The following CTIF variants were observed in gnomAD, a reference collection of about 807,000 sequenced individuals.
CTIF encodes the protein CBP80/20-dependent translation initiation factor.
CTIF carries 21 observed loss-of-function variants against 66.0 expected under a neutral mutation model. That is an observed-to-expected ratio of 0.32 (90% CI 0.23 to 0.46). CTIF has a LOEUF of 0.46. Among genes scored for constraint, CTIF ranks in the 20% least tolerant of loss-of-function variants. The pLI is 1.00. For missense variants in CTIF, 739 were observed against 812.7 expected (o/e 0.91, Z 1.10); for synonymous variants, 345 against 326.4 (o/e 1.06, Z -0.62).
intron 7 of CTIF, among the ~76,000 whole-genome samples, chr18:48,746,908 C>T (rs919455196): frequency 6.6e-6 from 1 of 152,134 alleles, no homozygotes; most frequent in East Asian, 1.9e-4. Context: ...CACTACCTCA[C>T]GTCCTCCAGG....
In CTIF at chr18:48,789,948, A is replaced by T. The variant is rs567000967; in HGVS notation, c.1372-27273A>T. On this transcript the variant is annotated intron_variant, in intron 9 of 11. Coordinates refer to ENST00000256413, the MANE Select transcript of CTIF (RefSeq NM_014772.3). ...TGCTGGCTTTGCCACCTGCTACCTC[A>T]TGACCTTGGGCAGGGTACTTTTCCC... Among the ~76,000 whole-genome samples the T allele has an allele frequency of 5.9e-5, 9 of 152,292 alleles. No homozygotes were observed. In the South Asian group the frequency reaches 1.9e-3, roughly 32 times the overall value.
At chr18:48,626,000 CTTTTTTTTTT>C (rs74174709) in intron 2 of CTIF, among the ~76,000 whole-genome samples, 1 of 109,174 alleles carries the variant, frequency 9.2e-6, no homozygotes. Context: ...CTTTTTCTTT[CTTTTTTTTTT>C]TTTTTTTTTG....
intron 9 of CTIF, among the ~76,000 whole-genome samples, chr18:48,780,708 C>T (rs1911124641): frequency 6.6e-6 from 1 of 152,230 alleles, no homozygotes; most frequent in Admixed American, 6.5e-5. Context: ...AGGCTTCCCT[C>T]CTGCCGGTCC....
chr18:48,795,607 C>T (rs1395965486), intron 9 of CTIF, among the ~76,000 whole-genome samples: 5 of 152,232 alleles, frequency 3.3e-5, no homozygotes, highest in Admixed American at 2.6e-4. Context: ...CAGGCTCTTT[C>T]AGATGGGTAG....
At chr18:48,721,696 G>C (rs545476867) in intron 7 of CTIF, among the ~76,000 whole-genome samples, 8 of 152,178 alleles carry the variant, frequency 5.3e-5, no homozygotes, top group Non-Finnish European at 1.2e-4. Context: ...TGGCAGATAC[G>C]AGGGAAGTCC....
chr18:48,627,771 G>C lies in CTIF; in HGVS notation c.180+8026G>C, dbSNP rs369421835. ...AAGAAAAAGAAAGAAGACAGGGTTGGGGGGGAGGGTGGGGAGGAAGGAAGG... is the reference window on the plus strand; with the variant it reads ...AAGAAAAAGAAAGAAGACAGGGTTGCGGGGGAGGGTGGGGAGGAAGGAAGG... On this transcript the variant is annotated intron_variant, in intron 2 of 11. Transcript: ENST00000256413. Among the ~76,000 whole-genome samples, 658 of 150,094 alleles carry C rather than the reference G, an allele frequency of 4.4e-3. 9 individuals carry two copies. The highest frequency in any genetic ancestry group is 0.015 in the African/African-American group (627 of 40,824).
intron 6 of CTIF, among the ~76,000 whole-genome samples, chr18:48,698,104 T>TTA (rs2092032457): frequency 1.5e-4 from 2 of 13,046 alleles, no homozygotes; most frequent in African/African-American, 3.4e-4. Context: ...TAGCCATCAT[T>TTA]AAAAAAAAAA....
At chr18:48,723,495 C>T (rs191546195) in intron 7 of CTIF, among the ~76,000 whole-genome samples, 169 of 152,272 alleles carry the variant, frequency 1.1e-3, no homozygotes, top group African/African-American at 3.7e-3. Flanking sequence ...ATTTAGGAAG[C>T]CCTCGAAACT....
At chr18:48,698,104 TAAAAAAAAAAA>T (rs527429582) in intron 6 of CTIF, among the ~76,000 whole-genome samples, 16 of 13,066 alleles carry the variant, frequency 1.2e-3, no homozygotes, top group Admixed American at 3.6e-3. Flanking sequence ...TAGCCATCAT[TAAAAAAAAAAA>T]AAAAAAAAAA....
intron 9 of CTIF, among the ~76,000 whole-genome samples, chr18:48,767,448 C>T (rs1196882515): frequency 6.6e-6 from 1 of 152,136 alleles, no homozygotes; most frequent in East Asian, 1.9e-4. Flanking sequence ...TTCAAGCCCT[C>T]CTCTGTTGAA....
At chr18:48,846,497 A>ATGGATGGATG (rs1568265635) in intron 10 of CTIF, among the ~76,000 whole-genome samples, 3 of 136,788 alleles carry the variant, frequency 2.2e-5, no homozygotes, top group African/African-American at 6.4e-5. Context: ...ATGAAAGGAT[A>ATGGATGGATG]GATGGATGGA....
intron 6 of CTIF, among the ~76,000 whole-genome samples, chr18:48,679,791 C>T (rs1233214402): frequency 6.6e-6 from 1 of 152,160 alleles, no homozygotes; most frequent in Non-Finnish European, 1.5e-5. Flanking sequence ...TGAGGTTTTC[C>T]CCTTTTTTAT....
In CTIF at chr18:48,758,220, G is replaced by T. The variant is rs536500179; in HGVS notation, c.886G>T (p.Ala296Ser). Residue 296 changes from alanine to serine, a missense_variant, in exon 8 of 12, where the codon GCC becomes TCC. Physicochemically the swap from Ala to Ser is moderately conservative, Grantham distance 99 (BLOSUM62 1). Transcript: ENST00000256413. ...AGDTGHSSLEAPRSPDTLAPV... is the reference protein window; with the variant it reads ...AGDTGHSSLESPRSPDTLAPV... ...GGACACCGGGCACAGCAGCCTTGAG[G>T]CCCCCCGCAGCCCTGACACCCTGGC... 2 of 1,613,200 alleles carry T rather than the reference G, an allele frequency of 1.2e-6. No individual in the cohort carries two copies. The highest frequency in any genetic ancestry group is 4.5e-5 in the East Asian group (2 of 44,838).
At chr18:48,737,543 A>G (rs893075339) in intron 7 of CTIF, among the ~76,000 whole-genome samples, 1 of 152,248 alleles carries the variant, frequency 6.6e-6, no homozygotes, top group African/African-American at 2.4e-5. Context: ...AATCAGATGG[A>G]TCAATTCATT....
intron 1 of CTIF, among the ~76,000 whole-genome samples, chr18:48,584,811 T>C (rs1289968019): frequency 3.9e-5 from 6 of 152,240 alleles, no homozygotes; most frequent in African/African-American, 1.4e-4. Context: ...TAGCCATCAA[T>C]GTTTTGTCCC....
chr18:48,548,855 C>T (rs772056667), intron 1 of CTIF, among the ~76,000 whole-genome samples: 3 of 152,232 alleles, frequency 2.0e-5, no homozygotes, highest in Admixed American at 6.5e-5. Flanking sequence ...GTAAGCCTGG[C>T]AGGGTCCCTG....
chr18:48,689,815 C>T (rs758688824), intron 6 of CTIF, among the ~76,000 whole-genome samples: 6 of 152,264 alleles, frequency 3.9e-5, no homozygotes, highest in East Asian at 1.9e-4. Flanking sequence ...CTTCCCCTGC[C>T]GCAGTTAACT....
At chr18:48,663,896 A>T in intron 4 of CTIF, 71 bp downstream of exon 4, 1 of 1,299,704 alleles carries the variant, frequency 7.7e-7, no homozygotes, top group Non-Finnish European at 1.1e-6. Context: ...TGGGGACGGA[A>T]TGAACGCTGA....
intron 9 of CTIF, among the ~76,000 whole-genome samples, chr18:48,811,105 C>T (rs929115835): frequency 6.6e-6 from 1 of 152,084 alleles, no homozygotes. Flanking sequence ...CTATCCCCTT[C>T]CCACCAGTAT....
Sources: gnomAD v4.1 joint callset for allele counts (sites outside exome capture counted in the v4.1 genomes callset) on GRCh38, gnomAD v4.1.1 for gene constraint, MANE v1.5 for transcripts, NCBI Gene and HGNC (gene_info 2026-07-23, HGNC 2026-07-21) for gene names.